Variants in TBC1D26 observed in about 807,000 individuals in gnomAD.
TBC1D26 encodes the protein TBC1 domain family, member 26.
Under a neutral mutation model 42.5 loss-of-function variants are expected in TBC1D26, and 19 were observed. The ratio of observed to expected loss-of-function variants is 0.45; its 90% CI spans 0.31 to 0.66. TBC1D26 has a LOEUF of 0.66. TBC1D26 is among the 30% of genes least tolerant of loss of function. The probability of loss-of-function intolerance (pLI) is 0.06; values close to 1 mark genes in which losing one functional copy is unlikely to be tolerated. For synonymous variants in TBC1D26, 97 were observed against 123.5 expected, an observed-to-expected ratio of 0.79 and a Z score of 1.42; for missense variants, 228 against 332.6, an observed-to-expected ratio of 0.69 and a Z score of 2.45.
At chr17:15,735,260 AGT>A (rs1306002361) in intron 2 of TBC1D26, 86 bp from the exon 3 acceptor site, 17 of 1,100,866 alleles carry the variant, frequency 1.5e-5, no homozygotes, top group Non-Finnish European at 2.2e-5. Context: ...ACCAGACTGG[AGT>A]GTGTCTGGGA....
At chr17:15,738,886 T>C (rs1967697828) in intron 8 of TBC1D26, 56 bp downstream of exon 8, 2 of 1,608,200 alleles carry the variant, frequency 1.2e-6, no homozygotes, top group Non-Finnish European at 8.5e-7. Flanking sequence ...TCCAGAGGAA[T>C]GAGGTTGTCC....
At chr17:15,742,057 G>C (rs1411537874) in intron 11 of TBC1D26, 21 bp downstream of exon 11, 3 of 1,607,814 alleles carry the variant, frequency 1.9e-6, no homozygotes, top group African/African-American at 2.7e-5. Flanking sequence ...GACACCCTCA[G>C]CTCCTAACCA....
intron 10 of TBC1D26, 115 bp from the exon 11 acceptor site, chr17:15,741,827 G>A (rs543843846): frequency 1.1e-6 from 1 of 933,172 alleles, no homozygotes; most frequent in African/African-American, 1.6e-5. Context: ...GTCACCACAT[G>A]GGAGGGAGGG....
Position 15,744,666 on chromosome 17 carries a change from A to G in TBC1D26, c.*74A>G, listed in dbSNP as rs1316944186. The G allele has an allele frequency of 1.3e-5, 2 of 152,162 alleles. No individual in the cohort carries two copies. Among genetic ancestry groups the G allele is most frequent in the African/African-American group, 4.8e-5 (2 of 41,442 alleles). The allele number at this position is 152,162 out of a possible 1,614,324, so 9.4% of individuals were successfully genotyped here. On this transcript the variant is annotated 3_prime_UTR_variant, in exon 15 of 15. Coordinates refer to ENST00000437605, the MANE Select transcript of TBC1D26 (RefSeq NM_001388465.1). Reference sequence around the variant, plus strand: ...TCAGAAGAAAATGTAGCTTTATTATAACATAGGAAAGACTGCAAGTTATTA... The same window carrying G: ...TCAGAAGAAAATGTAGCTTTATTATGACATAGGAAAGACTGCAAGTTATTA...
chr17:15,739,435 AGAT>A (rs1967711858), intron 8 of TBC1D26, among the ~76,000 whole-genome samples: 1 of 152,302 alleles, frequency 6.6e-6, no homozygotes, highest in South Asian at 2.1e-4. Flanking sequence ...GAGGCTACGG[AGAT>A]GATCTTCAAC....
At chr17:15,735,208 G>A in intron 2 of TBC1D26, 138 bp downstream of exon 2, 2 of 1,006,626 alleles carry the variant, frequency 2.0e-6, no homozygotes, top group South Asian at 3.0e-5. Context: ...GGACCACTGA[G>A]TCTGGCCCCT....
At chr17:15,742,261 T>C (rs1335049217) in intron 11 of TBC1D26, among the ~76,000 whole-genome samples, 153 bp from the exon 12 acceptor site, 1 of 152,136 alleles carries the variant, frequency 6.6e-6, no homozygotes, top group African/African-American at 2.4e-5. Flanking sequence ...CTAAAAGAAG[T>C]GTGTCCACCG....
At chr17:15,739,589 G>C (rs1014999542) in intron 8 of TBC1D26, among the ~76,000 whole-genome samples, 4 of 152,274 alleles carry the variant, frequency 2.6e-5, no homozygotes, top group Non-Finnish European at 4.4e-5. Context: ...GACCCAACAG[G>C]CTACCACCAT....
At chr17:15,739,392 G>A (rs572321689) in intron 8 of TBC1D26, among the ~76,000 whole-genome samples, 2 of 152,410 alleles carry the variant, frequency 1.3e-5, no homozygotes, top group South Asian at 2.1e-4. Context: ...CGCATGTGAC[G>A]TTCACCGCTT....
At chr17:15,741,058 G>A in intron 9 of TBC1D26, 64 bp from the exon 10 acceptor site, 1 of 1,595,750 alleles carries the variant, frequency 6.3e-7, no homozygotes, top group Middle Eastern at 1.9e-4. Context: ...GGTGACATAA[G>A]TCCTCCCAGG....
chr17:15,743,747 G>A (rs1275106757), intron 14 of TBC1D26: 1 of 152,590 alleles, frequency 6.6e-6, no homozygotes, highest in East Asian at 1.9e-4. Context: ...TACGAGGTCA[G>A]GAGATCCAGA....
chr17:15,735,303 G>T, intron 2 of TBC1D26, 45 bp from the exon 3 acceptor site: 1 of 1,561,542 alleles, frequency 6.4e-7, no homozygotes, highest in Non-Finnish European at 8.8e-7. Context: ...CTGTTCTCTG[G>T]AGCTCTTGGG....
chr17:15,739,508 A>G (rs1967713899), intron 8 of TBC1D26, among the ~76,000 whole-genome samples: 1 of 152,264 alleles, frequency 6.6e-6, no homozygotes, highest in Non-Finnish European at 1.5e-5. Flanking sequence ...AGTGAGGAAA[A>G]GGAACGAACC....
At chr17:15,740,203 TG>T in intron 9 of TBC1D26, 55 bp downstream of exon 9, 1 of 1,614,196 alleles carries the variant, frequency 6.2e-7, no homozygotes, top group Non-Finnish European at 8.5e-7. Context: ...TTCACAGGCA[TG>T]GGTGTCTCTT....
chr17:15,742,118 G>A (rs534032712), intron 11 of TBC1D26, 82 bp downstream of exon 11: 3 of 1,210,766 alleles, frequency 2.5e-6, no homozygotes, highest in African/African-American at 1.5e-5. Flanking sequence ...TCATGGGGCT[G>A]GCAAGAGGCT....
intron 1 of TBC1D26, among the ~76,000 whole-genome samples, chr17:15,733,027 G>A (rs1249156946): frequency 6.6e-6 from 1 of 151,184 alleles, no homozygotes; most frequent in Non-Finnish European, 1.5e-5. Context: ...GTCACTGGGG[G>A]ACTGGTCAGC....
At chr17:15,741,333 C>T (rs1967773104) in intron 10 of TBC1D26, 112 bp downstream of exon 10, 1 of 1,565,802 alleles carries the variant, frequency 6.4e-7, no homozygotes, top group African/African-American at 1.3e-5. Context: ...AAGGTGCCTG[C>T]CTTGTATCCC....
At chr17:15,741,373 G>T (rs912695470) in intron 10 of TBC1D26, 152 bp downstream of exon 10, 16 of 1,402,928 alleles carry the variant, frequency 1.1e-5, no homozygotes, top group Non-Finnish European at 1.5e-5. Flanking sequence ...GGATGTCCCT[G>T]CTGAGGTCCT....
At position 15,733,329 on chromosome 17, in the gene TBC1D26, G is replaced by T. The variant is rs145405301; in HGVS notation, c.-143+945G>T. ...CCTTGCCTCCATCCATAGCAGAAAT[G>T]AGTCATGGCACCCTGGAAGGCTACT... On this transcript the variant is annotated intron_variant, in intron 1 of 14. Transcript: ENST00000437605. Among the ~76,000 whole-genome samples, 152 of 152,224 alleles carry T rather than the reference G, an allele frequency of 1.0e-3. 1 individual carries two copies. The highest frequency in any genetic ancestry group is 3.2e-3 in the African/African-American group (134 of 41,494).
Sources: allele counts gnomAD v4.1 joint callset (sites outside exome capture counted in the v4.1 genomes callset), GRCh38; gene constraint gnomAD v4.1.1; transcripts MANE v1.5; gene names NCBI Gene and HGNC (gene_info 2026-07-23, HGNC 2026-07-21).